VPS13B: variants seen among roughly 807,000 people sequenced by gnomAD.
VPS13B encodes vacuolar protein sorting 13 homolog B.
In VPS13B, 285 loss-of-function variants were observed where a neutral mutation model predicts 426.4. The observed-to-expected ratio is 0.67, with a 90% CI of 0.61 to 0.74. The LOEUF is 0.74. Among genes scored for constraint, VPS13B ranks in the 30% least tolerant of loss-of-function variants. The pLI, the probability that VPS13B is intolerant of heterozygous loss-of-function variation, is 0.00. For synonymous variants in VPS13B, 1,676 were observed against 1,676.4 expected, an observed-to-expected ratio of 1.00 and a Z score of 0.01; for missense variants, 4,537 against 4,782.6, an observed-to-expected ratio of 0.95 and a Z score of 1.51.
chr8:99,340,618 C>A, intron 19 of VPS13B: 1 of 426,776 alleles, frequency 2.3e-6, no homozygotes. Context: ...TAGTTCTTTT[C>A]CCTTCAAAGC....
chr8:99,579,190 T>G (rs1411025317), intron 33 of VPS13B, among the ~76,000 whole-genome samples: 1 of 152,178 alleles, frequency 6.6e-6, no homozygotes, highest in African/African-American at 2.4e-5. Flanking sequence ...GGGACATATC[T>G]GTAAAACTTT....
intron 30 of VPS13B, among the ~76,000 whole-genome samples, chr8:99,536,073 C>T (rs1429494952): frequency 6.6e-6 from 1 of 152,062 alleles, no homozygotes; most frequent in East Asian, 1.9e-4. Context: ...CCTCAGACTC[C>T]CATGTAGCTG....
chr8:99,104,989 T>G (rs1253950467), intron 5 of VPS13B, among the ~76,000 whole-genome samples: 1 of 152,214 alleles, frequency 6.6e-6, no homozygotes, highest in African/African-American at 2.4e-5. Flanking sequence ...ATATATTCCT[T>G]TATTCATCAT....
chr8:99,549,269 T>A (rs1824151906), intron 30 of VPS13B, among the ~76,000 whole-genome samples: 1 of 152,110 alleles, frequency 6.6e-6, no homozygotes, highest in Admixed American at 6.6e-5. Context: ...TAGAATTCAT[T>A]GAGTTTGATT....
chr8:99,093,018 A>G (rs1046947302), intron 3 of VPS13B, among the ~76,000 whole-genome samples: 9 of 151,874 alleles, frequency 5.9e-5, no homozygotes, highest in Non-Finnish European at 1.0e-4. Context: ...TTATATTGGT[A>G]AAATCAATGG....
intron 30 of VPS13B, among the ~76,000 whole-genome samples, chr8:99,550,633 T>C (rs1824230814): frequency 6.6e-6 from 1 of 152,018 alleles, no homozygotes. Context: ...TTTAGTTTAT[T>C]CTACTTTTTA....
intron 19 of VPS13B, among the ~76,000 whole-genome samples, chr8:99,281,834 A>G (rs1309943165): frequency 6.6e-6 from 1 of 152,090 alleles, no homozygotes; most frequent in Non-Finnish European, 1.5e-5. Context: ...CCTTAAATGT[A>G]GGTTGTTACC....
chr8:99,385,135 A>T (rs963697209), intron 20 of VPS13B, among the ~76,000 whole-genome samples: 1 of 152,210 alleles, frequency 6.6e-6, no homozygotes, highest in African/African-American at 2.4e-5. Context: ...GTAAGTAGGC[A>T]ATTATAGTTT....
intron 39 of VPS13B, among the ~76,000 whole-genome samples, chr8:99,751,449 T>A (rs1449789): frequency 0.02 from 2,977 of 152,222 alleles, 103 homozygotes; most frequent in African/African-American, 0.068. Context: ...AAGAAAATGC[T>A]TATATTTTTA....
chr8:99,043,686 CTT>C (rs1028713909), intron 3 of VPS13B, among the ~76,000 whole-genome samples: 1 of 150,020 alleles, frequency 6.7e-6, no homozygotes, highest in South Asian at 2.1e-4. Flanking sequence ...GGTTCACAGA[CTT>C]TTTTTTTTCC....
At chr8:99,291,352 C>T (rs750219405) in intron 19 of VPS13B, among the ~76,000 whole-genome samples, 22 of 152,014 alleles carry the variant, frequency 1.4e-4, no homozygotes, top group Admixed American at 2.0e-4. Flanking sequence ...GTTCTTTCTA[C>T]GTGCCAGGAA....
chr8:99,636,130 T>C (rs539792914), intron 33 of VPS13B, among the ~76,000 whole-genome samples: 1 of 151,972 alleles, frequency 6.6e-6, no homozygotes, highest in Non-Finnish European at 1.5e-5. Flanking sequence ...TTGAAACCCG[T>C]TGATAGTGAA....
chr8:99,285,923 G>A (rs1196680525), intron 19 of VPS13B, among the ~76,000 whole-genome samples: 5 of 152,136 alleles, frequency 3.3e-5, no homozygotes, highest in Non-Finnish European at 7.4e-5. Flanking sequence ...AAATAAGTGA[G>A]ACTCAGTTGT....
At position 99,082,728 on chromosome 8, in the gene VPS13B, C is replaced by G. The variant is rs535710180; in HGVS notation, c.292-13584C>G. On this transcript the variant is annotated intron_variant, in intron 3 of 61. Transcript: ENST00000357162. ...ATTTATTAAATAGGGAATCGTTTCC[C>G]CATTTCTTGTTTTTGTCAGGTTTGT... Among the ~76,000 whole-genome samples, 125 of 152,220 alleles carry G rather than the reference C, an allele frequency of 8.2e-4. 1 individual carries two copies. The South Asian group carries it at 0.016, about 20-fold the overall frequency.
At chr8:99,511,989 A>C (rs1410542211) in intron 29 of VPS13B, among the ~76,000 whole-genome samples, 3 of 152,226 alleles carry the variant, frequency 2.0e-5, no homozygotes, top group Non-Finnish European at 4.4e-5. Context: ...ATAAGATATT[A>C]GCCCAACATG....
At chr8:99,161,423 A>G (rs1473206590) in intron 15 of VPS13B, among the ~76,000 whole-genome samples, 1 of 152,252 alleles carries the variant, frequency 6.6e-6, no homozygotes, top group Non-Finnish European at 1.5e-5. Flanking sequence ...TTGGTCATCA[A>G]TATAGTCACC....
Position 99,820,099 on chromosome 8 carries a change from A to G in VPS13B, c.8971A>G (p.Ile2991Val), listed in dbSNP as rs1233685724. Residue 2991 changes from isoleucine to valine, a missense_variant, in exon 49 of 62, where the codon ATT (isoleucine) becomes GTT (valine). Ile to Val is a conservative substitution (Grantham distance 29, BLOSUM62 3). This residue lies in a region of VPS13B where 4,311 missense variants were observed against 4,474.3 expected (regional missense o/e 0.96). Transcript: ENST00000357162. ...TGTTCTACAGGTTCCTGCTGGCAAAATTATTATTCCTCCTAATTTTCAGGT... is the reference window on the plus strand; with the variant it reads ...TGTTCTACAGGTTCCTGCTGGCAAAGTTATTATTCCTCCTAATTTTCAGGT... Reference protein sequence around the residue: ...KIVLQVPAGKIIIPPNFQEAF... With the variant: ...KIVLQVPAGKVIIPPNFQEAF... 3.1e-6 allele frequency: 5 copies of G among 1,613,778 alleles called. No individual in the cohort carries two copies. The African/African-American group carries it at 6.7e-5, about 22-fold the overall frequency.
At chr8:99,786,992 T>C (rs917566611) in intron 43 of VPS13B, among the ~76,000 whole-genome samples, 8 of 152,164 alleles carry the variant, frequency 5.3e-5, no homozygotes, top group African/African-American at 1.7e-4. Context: ...AGATGCACAA[T>C]TGAGCAAAAT....
intron 15 of VPS13B, among the ~76,000 whole-genome samples, chr8:99,160,278 C>T (rs1811575692): frequency 6.6e-6 from 1 of 152,020 alleles, no homozygotes; most frequent in Non-Finnish European, 1.5e-5. Flanking sequence ...GCTAAGCAAG[C>T]AGAGATGTAT....
Sources: gnomAD v4.1 joint callset for allele counts (sites outside exome capture counted in the v4.1 genomes callset) on GRCh38, gnomAD v4.1.1 for gene constraint, gnomAD v4.1.1 regional missense constraint, MANE v1.5 for transcripts, NCBI Gene and HGNC (gene_info 2026-07-23, HGNC 2026-07-21) for gene names.